The following IFT74 variants were observed in gnomAD, a reference collection of about 807,000 sequenced individuals.
The protein encoded by IFT74 is intraflagellar transport 74, also known as intraflagellar transport protein 74 homolog.
A neutral mutation model predicts 96.7 loss-of-function variants in IFT74; 92 were observed. That is an observed-to-expected ratio of 0.95 (90% confidence interval 0.80 to 1.13). The LOEUF is 1.13. Ranked by LOEUF, IFT74 falls within the 50% of genes most tolerant of loss-of-function variation. IFT74 has a pLI of 0.00. For missense variants in IFT74, 811 were observed against 698.2 expected (o/e 1.16, Z -1.82); for synonymous variants, 223 against 213.2 (o/e 1.05, Z -0.40).
intron 2 of IFT74, among the ~76,000 whole-genome samples, chr9:26,964,785 A>T (rs922808907): frequency 1.3e-5 from 2 of 152,146 alleles, no homozygotes; most frequent in African/African-American, 4.8e-5. Context: ...ACAGTACTCT[A>T]ATGTAAAATA....
At chr9:27,028,627 G>A (rs771768375) in intron 12 of IFT74, among the ~76,000 whole-genome samples, 6 of 152,172 alleles carry the variant, frequency 3.9e-5, no homozygotes, top group African/African-American at 7.2e-5. Context: ...ATGGAGGCGC[G>A]TGCCTCTAGT....
At chr9:27,002,807 T>G (rs940817655) in intron 8 of IFT74, among the ~76,000 whole-genome samples, 1 of 152,234 alleles carries the variant, frequency 6.6e-6, no homozygotes, top group African/African-American at 2.4e-5. Context: ...TTTAGGATTT[T>G]TTTTTCTACT....
In IFT74 at chr9:26,979,703, CTTTTT is replaced by C. The variant is rs951706952; in HGVS notation, c.257-845_257-841del. ...GAGACATTTAACCTAGGAACACTTT[CTTTTT>C]TTTTTTTTTTTTTTTTTTTTTTGAG... On this transcript the variant is annotated intron_variant, in intron 3 of 19. Transcript: ENST00000380062. Among the ~76,000 whole-genome samples, 4 of 75,486 alleles carry C rather than the reference CTTTTT, an allele frequency of 5.3e-5. No individual in the cohort carries two copies. In the East Asian group the frequency reaches 2.1e-3, roughly 39 times the overall value. The allele number at this position is 75,486 out of a possible 152,430, so 49.5% of individuals were successfully genotyped here.
chr9:27,017,166 A>T (rs1260887694), intron 11 of IFT74, 116 bp downstream of exon 11: 2 of 665,114 alleles, frequency 3.0e-6, no homozygotes, highest in Non-Finnish European at 4.7e-6. Flanking sequence ...ATTGTCTAAA[A>T]ATAGTTTATG....
intron 13 of IFT74, among the ~76,000 whole-genome samples, chr9:27,039,219 A>C (rs1286827937): frequency 1.3e-5 from 2 of 152,134 alleles, no homozygotes; most frequent in Non-Finnish European, 1.5e-5. Flanking sequence ...TTTTGTAAAG[A>C]CAGGATTCAC....
intron 2 of IFT74, among the ~76,000 whole-genome samples, chr9:26,972,284 A>T (rs1826913463): frequency 6.6e-6 from 1 of 152,178 alleles, no homozygotes; most frequent in Non-Finnish European, 1.5e-5. Context: ...GATAGTTCTA[A>T]CTTGGTGGGG....
intron 8 of IFT74, chr9:26,997,867 C>G (rs1214895234): frequency 6.2e-7 from 1 of 1,614,008 alleles, no homozygotes; most frequent in Non-Finnish European, 8.5e-7. Flanking sequence ...AATTGCCTTG[C>G]AGATTCAGAA....
chr9:27,045,471 A>G (rs1819660441), intron 14 of IFT74, among the ~76,000 whole-genome samples: 1 of 152,074 alleles, frequency 6.6e-6, no homozygotes, highest in Admixed American at 6.6e-5. Flanking sequence ...TTAGCTTTCC[A>G]TAATACTTAT....
chr9:26,973,460 T>C (rs988754367), intron 2 of IFT74, among the ~76,000 whole-genome samples: 25 of 152,180 alleles, frequency 1.6e-4, no homozygotes, highest in Admixed American at 1.3e-4. Flanking sequence ...TTGATGTCTA[T>C]TGGGGGAACT....
intron 8 of IFT74, among the ~76,000 whole-genome samples, chr9:27,001,135 T>G (rs113957211): frequency 1.1e-3 from 175 of 152,316 alleles, no homozygotes; most frequent in African/African-American, 3.9e-3. Context: ...ATGACAGGAT[T>G]TCATTTGTTT....
chr9:27,054,406 T>C (rs1441108140), intron 16 of IFT74, among the ~76,000 whole-genome samples: 1 of 152,214 alleles, frequency 6.6e-6, no homozygotes, highest in East Asian at 1.9e-4. Flanking sequence ...TGCTACTCTT[T>C]TCATATTTAT....
intron 8 of IFT74, among the ~76,000 whole-genome samples, chr9:27,001,746 A>C (rs1216101224): frequency 1.3e-5 from 2 of 151,922 alleles, no homozygotes; most frequent in Non-Finnish European, 2.9e-5. Flanking sequence ...TAGTTTGCAA[A>C]TATTTTCTCA....
At chr9:27,044,829 T>A in intron 14 of IFT74, 34 bp downstream of exon 14, 1 of 1,237,784 alleles carries the variant, frequency 8.1e-7, no homozygotes. Context: ...AAAAATATAA[T>A]ATTTTCAGAT....
chr9:26,963,310 G>T (rs1374135428), intron 2 of IFT74, among the ~76,000 whole-genome samples: 1 of 151,932 alleles, frequency 6.6e-6, no homozygotes, highest in Non-Finnish European at 1.5e-5. Flanking sequence ...ATGATTGCAT[G>T]GTATTCCATG....
intron 2 of IFT74, chr9:26,976,689 C>T: frequency 2.2e-6 from 1 of 447,846 alleles, no homozygotes; most frequent in Non-Finnish European, 4.5e-6. Context: ...AGAAGAAAGG[C>T]AGGGGGTACC....
At chr9:27,025,538 A>G (rs1829824547) in intron 12 of IFT74, among the ~76,000 whole-genome samples, 1 of 152,086 alleles carries the variant, frequency 6.6e-6, no homozygotes, top group Admixed American at 6.6e-5. Context: ...AGGCATAGTC[A>G]TAAGATTATC....
intron 7 of IFT74, among the ~76,000 whole-genome samples, chr9:26,989,651 G>C (rs1167601905): frequency 2.0e-5 from 3 of 152,088 alleles, no homozygotes; most frequent in Non-Finnish European, 4.4e-5. Flanking sequence ...TTCAATGCCA[G>C]ATATAAAAAG....
rs1178260044 is a variant in IFT74 at position 27,064,580 on chromosome 9, T to C, written c.*1844T>C. On this transcript the variant is annotated 3_prime_UTR_variant, in exon 20 of 20. Coordinates refer to ENST00000380062, the MANE Select transcript of IFT74 (RefSeq NM_025103.4). ...TAACAAACAGAGGTATGATTGAGCA[T>C]AGAGTTTAGGCAAGAGAACTGACTA... is the stretch of plus-strand genomic sequence containing the variant. Among the ~76,000 whole-genome samples the C allele has an allele frequency of 6.6e-6, 1 of 152,134 alleles. No homozygotes were observed. The highest frequency in any genetic ancestry group is 1.9e-4 in the East Asian group (1 of 5,200).
chr9:27,040,112 A>T (rs898287919), intron 13 of IFT74, among the ~76,000 whole-genome samples: 3 of 152,220 alleles, frequency 2.0e-5, no homozygotes, highest in Non-Finnish European at 4.4e-5. Context: ...GCATAACAAA[A>T]AATGGTTATG....
Sources: gnomAD v4.1 joint callset for allele counts (sites outside exome capture counted in the v4.1 genomes callset) on GRCh38, gnomAD v4.1.1 for gene constraint, MANE v1.5 for transcripts, NCBI Gene and HGNC (gene_info 2026-07-23, HGNC 2026-07-21) for gene names.